ROBO2: variants seen among roughly 807,000 people sequenced by gnomAD.
ROBO2 encodes the protein roundabout homolog 2.
ROBO2 carries 53 observed loss-of-function variants against 160.8 expected under a neutral mutation model. That is an observed-to-expected ratio of 0.33 (90% CI 0.26 to 0.41). The LOEUF (loss-of-function observed/expected upper bound fraction) is 0.41, where lower values mean the gene tolerates loss of function less well. Ranked by LOEUF, ROBO2 falls within the 10% of genes least tolerant of loss-of-function variation. The pLI is 1.00. For synonymous variants in ROBO2, 664 were observed against 611.7 expected (o/e 1.09, Z -1.26); for missense variants, 1,577 against 1,722.4 (o/e 0.92, Z 1.49).
rs201009363 is a variant in ROBO2, at chr3:77,368,340, A to G, written c.389-109074A>G. Reference sequence around the variant, plus strand: ...TTATTATTCATGAATATACATTTATATGTGCAAATGTATGTATAATAGACT... The same window carrying G: ...TTATTATTCATGAATATACATTTATGTGTGCAAATGTATGTATAATAGACT... On this transcript the variant is annotated intron_variant, in intron 2 of 25. Coordinates refer to ENST00000461745, the Ensembl canonical transcript of ROBO2. Among the ~76,000 whole-genome samples, 7 of 152,180 alleles carry G rather than the reference A, an allele frequency of 4.6e-5. No homozygotes were observed. The East Asian group carries it at 1.2e-3, about 25-fold the overall frequency.
chr3:76,366,954 A>G (rs1462611026), intron 2 of ROBO2, among the ~76,000 whole-genome samples: 1 of 152,006 alleles, frequency 6.6e-6, no homozygotes. Context: ...AATAGAATAA[A>G]ATAATAGCAT....
intron 2 of ROBO2, among the ~76,000 whole-genome samples, chr3:76,792,211 A>C (rs916855202): frequency 1.2e-4 from 18 of 152,014 alleles, no homozygotes; most frequent in Non-Finnish European, 1.8e-4. Context: ...AATTAATATA[A>C]ATGCACAGCA....
intron 2 of ROBO2, among the ~76,000 whole-genome samples, chr3:77,142,630 G>A (rs185518603): frequency 6.6e-6 from 1 of 152,164 alleles, no homozygotes; most frequent in African/African-American, 2.4e-5. Context: ...AAATCAATAC[G>A]CGGTGGTCCC....
chr3:76,443,256 C>T (rs1026806343), intron 2 of ROBO2, among the ~76,000 whole-genome samples: 5 of 152,040 alleles, frequency 3.3e-5, no homozygotes, highest in Non-Finnish European at 7.4e-5. Context: ...ACCCAAATAC[C>T]TCCCATCAGG....
chr3:76,157,125 C>T (rs1183409176), intron 2 of ROBO2, among the ~76,000 whole-genome samples: 1 of 152,172 alleles, frequency 6.6e-6, no homozygotes, highest in Non-Finnish European at 1.5e-5. Context: ...CTTAGGTAGC[C>T]AACTCCACCC....
chr3:76,087,286 A>T (rs2069052327), intron 2 of ROBO2, among the ~76,000 whole-genome samples: 1 of 152,080 alleles, frequency 6.6e-6, no homozygotes, highest in Admixed American at 6.6e-5. Context: ...AAAATACCTT[A>T]ATTATAAAAG....
intron 6 of ROBO2, among the ~76,000 whole-genome samples, chr3:77,541,820 C>G (rs1582827488): frequency 6.6e-6 from 1 of 152,276 alleles, no homozygotes; most frequent in East Asian, 1.9e-4. Context: ...AGTCTTCTGT[C>G]TCAGAGACAT....
At chr3:77,303,843 T>G (rs2062865547) in intron 2 of ROBO2, among the ~76,000 whole-genome samples, 1 of 151,972 alleles carries the variant, frequency 6.6e-6, no homozygotes, top group South Asian at 2.1e-4. Flanking sequence ...TAAGCAGAAA[T>G]GTATCTGGGG....
intron 2 of ROBO2, among the ~76,000 whole-genome samples, chr3:76,122,334 T>A (rs996364126): frequency 2.0e-5 from 3 of 152,200 alleles, no homozygotes; most frequent in African/African-American, 7.2e-5. Flanking sequence ...AGGTGATTTG[T>A]GGATTGTGTC....
intron 2 of ROBO2, among the ~76,000 whole-genome samples, chr3:76,241,252 A>T (rs1189023236): frequency 6.6e-6 from 1 of 152,146 alleles, no homozygotes; most frequent in Non-Finnish European, 1.5e-5. Context: ...GCTTCCCGGG[A>T]TCTTAAGGAC....
chr3:76,674,343 T>C (rs1053856912), intron 2 of ROBO2, among the ~76,000 whole-genome samples: 13 of 152,046 alleles, frequency 8.6e-5, no homozygotes, highest in Non-Finnish European at 1.6e-4. Flanking sequence ...GCACTAAACA[T>C]GGCAGCATCC....
At chr3:76,852,349 A>G (rs1189054248) in intron 2 of ROBO2, among the ~76,000 whole-genome samples, 1 of 152,194 alleles carries the variant, frequency 6.6e-6, no homozygotes, top group Non-Finnish European at 1.5e-5. Context: ...GATATTAAAT[A>G]AAGTACTGAA....
chr3:76,820,325 T>G (rs528054483), intron 2 of ROBO2, among the ~76,000 whole-genome samples: 2 of 152,058 alleles, frequency 1.3e-5, no homozygotes, highest in African/African-American at 4.8e-5. Context: ...TTAGTTTCAA[T>G]AGGAAATAAC....
At chr3:77,352,595 G>GA in intron 2 of ROBO2, among the ~76,000 whole-genome samples, 1 of 152,004 alleles carries the variant, frequency 6.6e-6, no homozygotes, top group Non-Finnish European at 1.5e-5. Flanking sequence ...TCCAATAGAA[G>GA]AAAACTATGA....
chr3:77,410,243 C>T (rs756772615), intron 2 of ROBO2, among the ~76,000 whole-genome samples: 2 of 152,082 alleles, frequency 1.3e-5, no homozygotes, highest in Non-Finnish European at 2.9e-5. Context: ...TTCTATGTAT[C>T]AAAACTTTTT....
At chr3:77,143,727 G>C (rs960113234) in intron 2 of ROBO2, among the ~76,000 whole-genome samples, 1 of 151,966 alleles carries the variant, frequency 6.6e-6, no homozygotes, top group Admixed American at 6.6e-5. Flanking sequence ...AATCAGTAGT[G>C]CCTATTTTTG....
upstream of ROBO2, among the ~76,000 whole-genome samples, chr3:77,038,552 C>T (rs138269715): frequency 2.0e-3 from 305 of 152,204 alleles, no homozygotes; most frequent in African/African-American, 7.0e-3. Context: ...CTGGAGAGAA[C>T]CTTTCCTAAT....
intron 2 of ROBO2, among the ~76,000 whole-genome samples, chr3:76,999,844 C>T (rs755817808): frequency 1.3e-5 from 2 of 151,994 alleles, no homozygotes; most frequent in Non-Finnish European, 2.9e-5. Context: ...AACATATATA[C>T]CTTTGTGTTC....
intron 2 of ROBO2, among the ~76,000 whole-genome samples, chr3:76,969,567 C>T (rs527403065): frequency 6.6e-6 from 1 of 152,218 alleles, no homozygotes; most frequent in South Asian, 2.1e-4. Flanking sequence ...AAAAATAATT[C>T]TTTTGAAGAA....
Sources: gnomAD v4.1 joint callset for allele counts (sites outside exome capture counted in the v4.1 genomes callset) on GRCh38, gnomAD v4.1.1 for gene constraint, MANE v1.5 for transcripts, NCBI Gene and HGNC (gene_info 2026-07-23, HGNC 2026-07-21) for gene names.